Variants in CABIN1 observed in about 807,000 individuals in gnomAD.
CABIN1 encodes calcineurin binding protein 1, also known as calcineurin-binding protein cabin-1.
In CABIN1, 133 loss-of-function variants were observed where a neutral mutation model predicts 227.7. That is an observed-to-expected ratio of 0.58 (90% CI 0.51 to 0.67). The LOEUF (loss-of-function observed/expected upper bound fraction) is 0.67, where lower values mean the gene tolerates loss of function less well. Among genes scored for constraint, CABIN1 ranks in the 30% least tolerant of loss-of-function variants. The pLI, the probability that CABIN1 is intolerant of heterozygous loss-of-function variation, is 0.00. For synonymous variants in CABIN1, 1,086 were observed against 1,155.1 expected (o/e 0.94, Z 1.21); for missense variants, 2,408 against 2,852.5 (o/e 0.84, Z 3.55).
chr22:24,175,897 G>T, intron 34 of CABIN1: 2 of 644,216 alleles, frequency 3.1e-6, no homozygotes, highest in Non-Finnish European at 5.6e-6. Flanking sequence ...GCCCTCTGGG[G>T]GTGGGGAGCC....
chr22:24,166,479 T>C (rs1193492182), intron 31 of CABIN1, among the ~76,000 whole-genome samples, 160 bp from the exon 32 acceptor site: 1 of 152,194 alleles, frequency 6.6e-6, no homozygotes, highest in African/African-American at 2.4e-5. Context: ...CCAGTGTCCT[T>C]CTCTGATAAC....
In CABIN1 at chr22:24,091,424, G is replaced by A. The variant is rs1465632439; in HGVS notation, c.3526-159G>A. 4.6e-5 allele frequency among the ~76,000 whole-genome samples: 7 copies of A among 152,272 alleles called. No homozygotes were observed. The South Asian group carries it at 1.2e-3, about 27-fold the overall frequency. Reference sequence around the variant, plus strand: ...AAACCCCTAGGCCTTTCTACACTTCGGTGTCACCAGCTGTGAAATGGTGAG... The same window carrying A: ...AAACCCCTAGGCCTTTCTACACTTCAGTGTCACCAGCTGTGAAATGGTGAG... On this transcript the variant is annotated intron_variant, in intron 23 of 36. Transcript: ENST00000263119.
At chr22:24,016,127 C>CAA (rs2035266312) in intron 1 of CABIN1, among the ~76,000 whole-genome samples, 2 of 152,226 alleles carry the variant, frequency 1.3e-5, no homozygotes, top group Non-Finnish European at 2.9e-5. Context: ...AACCCTGATC[C>CAA]ATTAGCAATT....
At chr22:24,014,272 T>A (rs899320114) in intron 1 of CABIN1, among the ~76,000 whole-genome samples, 2 of 152,216 alleles carry the variant, frequency 1.3e-5, no homozygotes, top group Non-Finnish European at 2.9e-5. Context: ...ATTTGATTAT[T>A]TATGTGTCAG....
At chr22:24,013,551 A>G (rs2035007031) in intron 1 of CABIN1, among the ~76,000 whole-genome samples, 1 of 152,212 alleles carries the variant, frequency 6.6e-6, no homozygotes, top group Non-Finnish European at 1.5e-5. Context: ...GCAACAATAC[A>G]AAACGCTCTG....
At chr22:24,063,987 TAGTC>T (rs1569151690) in intron 14 of CABIN1, 44 bp from the exon 15 acceptor site, 1 of 1,612,174 alleles carries the variant, frequency 6.2e-7, no homozygotes, top group East Asian at 2.2e-5. Flanking sequence ...TGGCACATCA[TAGTC>T]AGTCTTCTGC....
At chr22:24,076,056 G>T in intron 18 of CABIN1, 113 bp from the exon 19 acceptor site, 4 of 702,418 alleles carry the variant, frequency 5.7e-6, no homozygotes, top group Non-Finnish European at 1.0e-5. Flanking sequence ...AAAGTCTGTA[G>T]TCATGTTGAT....
At chr22:24,052,709 G>T (rs570926749) in intron 8 of CABIN1, among the ~76,000 whole-genome samples, 1 of 151,386 alleles carries the variant, frequency 6.6e-6, no homozygotes, top group African/African-American at 2.4e-5. Flanking sequence ...AGGATTGCTT[G>T]AGCCGGGGAA....
At chr22:24,096,989 G>A (rs991046643) in intron 25 of CABIN1, among the ~76,000 whole-genome samples, 2 of 152,246 alleles carry the variant, frequency 1.3e-5, no homozygotes, top group African/African-American at 2.4e-5. Flanking sequence ...GATAGCCTGT[G>A]TGATGTTCAC....
intron 15 of CABIN1, 50 bp from the exon 16 acceptor site, chr22:24,066,937 G>T: frequency 6.4e-7 from 1 of 1,566,754 alleles, no homozygotes; most frequent in South Asian, 1.1e-5. Flanking sequence ...ATTTGGTGGG[G>T]CAGGGGCTGA....
intron 7 of CABIN1, 64 bp from the exon 8 acceptor site, chr22:24,050,761 T>G: frequency 1.9e-6 from 3 of 1,600,660 alleles, no homozygotes; most frequent in Non-Finnish European, 2.6e-6. Context: ...TTTTTGTGTG[T>G]AAAATTTCAG....
intron 29 of CABIN1, among the ~76,000 whole-genome samples, chr22:24,150,220 A>G (rs115775756): frequency 0.013 from 1,957 of 152,310 alleles, 36 homozygotes; most frequent in African/African-American, 0.045. Context: ...TCCAGCTCTT[A>G]GCAGGTGCCC....
At chr22:24,092,939 C>T (rs1415620875) in intron 24 of CABIN1, among the ~76,000 whole-genome samples, 4 of 152,110 alleles carry the variant, frequency 2.6e-5, no homozygotes, top group Non-Finnish European at 4.4e-5. Flanking sequence ...TGGTGAGCTT[C>T]CCTGCCTGCC....
At chr22:24,074,117 G>GA (rs940695110) in intron 18 of CABIN1, among the ~76,000 whole-genome samples, 4 of 150,968 alleles carry the variant, frequency 2.6e-5, no homozygotes, top group African/African-American at 9.7e-5. Flanking sequence ...TTTTAGTGGT[G>GA]AAAAAAAACC....
At chr22:24,105,491 A>G (rs868158535) in intron 26 of CABIN1, among the ~76,000 whole-genome samples, 20 of 152,218 alleles carry the variant, frequency 1.3e-4, no homozygotes, top group African/African-American at 4.3e-4. Flanking sequence ...AGGCCAACCT[A>G]TAGCCTGCTT....
intron 16 of CABIN1, among the ~76,000 whole-genome samples, chr22:24,069,908 C>T (rs1363781395): frequency 1.3e-5 from 2 of 152,050 alleles, no homozygotes; most frequent in South Asian, 2.1e-4. Flanking sequence ...TGGGCTGTGG[C>T]GAGGTTAGAG....
chr22:24,112,138 T>G (rs140993401), intron 26 of CABIN1, among the ~76,000 whole-genome samples: 11 of 152,352 alleles, frequency 7.2e-5, no homozygotes, highest in African/African-American at 2.6e-4. Flanking sequence ...CTCTTGACGA[T>G]GTACTTTTTT....
At chr22:24,094,073 A>G (rs2041726229) in intron 24 of CABIN1, among the ~76,000 whole-genome samples, 1 of 151,846 alleles carries the variant, frequency 6.6e-6, no homozygotes, top group Admixed American at 6.6e-5. Context: ...CCTTGGAAGA[A>G]CTCCACTTTG....
At chr22:24,150,886 G>A (rs544831453) in intron 29 of CABIN1, among the ~76,000 whole-genome samples, 3 of 152,312 alleles carry the variant, frequency 2.0e-5, no homozygotes, top group African/African-American at 7.2e-5. Context: ...CATAAGGGGT[G>A]GGAGGCCTTG....
Sources: gnomAD v4.1 joint callset for allele counts (sites outside exome capture counted in the v4.1 genomes callset) on GRCh38, gnomAD v4.1.1 for gene constraint, MANE v1.5 for transcripts, NCBI Gene and HGNC (gene_info 2026-07-23, HGNC 2026-07-21) for gene names.